The following ABTB3 variants were observed in gnomAD, a reference collection of about 807,000 sequenced individuals.
ABTB3 encodes the protein ankyrin repeat and BTB domain containing 3, also known as ankyrin repeat- and BTB/POZ domain-containing protein 3.
At chr12:107,334,378 C>G in the ABTB3 span, among the ~76,000 whole-genome samples, 1 of 151,998 alleles carries the variant, frequency 6.6e-6, no homozygotes, top group Non-Finnish European at 1.5e-5. Flanking sequence ...TCACCAAGCT[C>G]CTGTTGATAC....
the ABTB3 span, among the ~76,000 whole-genome samples, chr12:107,500,248 C>G: frequency 2.0e-5 from 3 of 152,194 alleles, no homozygotes; most frequent in Non-Finnish European, 4.4e-5. Context: ...GAGGGAAGAG[C>G]CTGCGCCCGC....
chr12:107,405,216 T>G, the ABTB3 span, among the ~76,000 whole-genome samples: 4 of 152,182 alleles, frequency 2.6e-5, no homozygotes, highest in Admixed American at 6.5e-5. Context: ...GTGAAGGCTA[T>G]GTGAATGGCG....
the ABTB3 span, chr12:107,320,164 C>A: frequency 5.2e-6 from 7 of 1,340,634 alleles, no homozygotes; most frequent in Non-Finnish European, 6.8e-6. Context: ...CCGCGTCTTC[C>A]CAGCCACGCG....
the ABTB3 span, among the ~76,000 whole-genome samples, chr12:107,557,508 C>G: frequency 6.6e-6 from 1 of 152,102 alleles, no homozygotes; most frequent in Non-Finnish European, 1.5e-5. Context: ...ATTACTTGAG[C>G]TTTTCATTTT....
the ABTB3 span, among the ~76,000 whole-genome samples, chr12:107,375,555 G>T: frequency 4.0e-4 from 61 of 152,320 alleles, no homozygotes; most frequent in African/African-American, 1.5e-3. Context: ...ACCTCCAGGG[G>T]AGAAGACCGG....
At chr12:107,431,247 A>G in the ABTB3 span, among the ~76,000 whole-genome samples, 1 of 152,230 alleles carries the variant, frequency 6.6e-6, no homozygotes, top group Non-Finnish European at 1.5e-5. Flanking sequence ...CACTAATTCC[A>G]TTCCATGAGC....
chr12:107,520,128 G>A, the ABTB3 span: 2 of 707,234 alleles, frequency 2.8e-6, no homozygotes, highest in East Asian at 1.3e-4. Flanking sequence ...TGCCTTTGTG[G>A]GGAGAACAAA....
chr12:107,405,297 T>C, the ABTB3 span, among the ~76,000 whole-genome samples: 1 of 152,244 alleles, frequency 6.6e-6, no homozygotes, highest in Non-Finnish European at 1.5e-5. Flanking sequence ...GTGCTGTTAA[T>C]GGTTATGTTT....
chr12:107,562,670 G>T, the ABTB3 span, among the ~76,000 whole-genome samples: 4 of 152,224 alleles, frequency 2.6e-5, no homozygotes, highest in Non-Finnish European at 4.4e-5. Context: ...AATTATTTGA[G>T]ATGAGTTGAA....
At chr12:107,596,442 G>A in the ABTB3 span, among the ~76,000 whole-genome samples, 7 of 152,112 alleles carry the variant, frequency 4.6e-5, no homozygotes, top group Non-Finnish European at 8.8e-5. Context: ...GTGAAACCTC[G>A]TTTCTACTAA....
the ABTB3 span, among the ~76,000 whole-genome samples, chr12:107,437,334 GC>G: frequency 6.6e-6 from 1 of 152,004 alleles, no homozygotes; most frequent in Non-Finnish European, 1.5e-5. Flanking sequence ...TCCAGTTTCT[GC>G]CTCCATGGTC....
At chr12:107,640,562 G>C in the ABTB3 span, 1 of 536,158 alleles carries the variant, frequency 1.9e-6, no homozygotes, top group Non-Finnish European at 3.3e-6. Context: ...GAAGCTGCTA[G>C]CATAAACAAC....
At chr12:107,542,035 C>T in the ABTB3 span, among the ~76,000 whole-genome samples, 5 of 152,240 alleles carry the variant, frequency 3.3e-5, no homozygotes, top group East Asian at 1.9e-4. Flanking sequence ...ACTGGCCAGG[C>T]GCGGTGGGTC....
chr12:107,619,226 C>T, the ABTB3 span, among the ~76,000 whole-genome samples: 3 of 152,252 alleles, frequency 2.0e-5, no homozygotes, highest in South Asian at 2.1e-4. Flanking sequence ...TGATGAAGCT[C>T]GAGATTCCGA....
chr12:107,421,613 G>A, the ABTB3 span, among the ~76,000 whole-genome samples: 3 of 152,154 alleles, frequency 2.0e-5, no homozygotes, highest in Admixed American at 6.5e-5. Context: ...TTCGGTAAAC[G>A]ATATAAGCCA....
At chr12:107,475,448 C>G in the ABTB3 span, among the ~76,000 whole-genome samples, 1 of 152,218 alleles carries the variant, frequency 6.6e-6, no homozygotes, top group Non-Finnish European at 1.5e-5. Context: ...TAAACCATTT[C>G]CATCACCCAG....
At chr12:107,384,701 A>G in the ABTB3 span, among the ~76,000 whole-genome samples, 1 of 152,148 alleles carries the variant, frequency 6.6e-6, no homozygotes, top group Non-Finnish European at 1.5e-5. Context: ...GTACCCCCAC[A>G]CCAACTAGTC....
At chr12:107,569,433 A>G in the ABTB3 span, among the ~76,000 whole-genome samples, 29 of 152,296 alleles carry the variant, frequency 1.9e-4, no homozygotes, top group Non-Finnish European at 4.1e-4. Flanking sequence ...TGGTTGATAA[A>G]TTTTCACAAG....
the ABTB3 span, among the ~76,000 whole-genome samples, chr12:107,515,336 A>G: frequency 6.6e-6 from 1 of 152,208 alleles, no homozygotes; most frequent in South Asian, 2.1e-4. Flanking sequence ...CATCTGTACT[A>G]TTAATTAGAC....
Sources: allele counts gnomAD v4.1 joint callset (sites outside exome capture counted in the v4.1 genomes callset), GRCh38; gene constraint gnomAD v4.1.1; transcripts MANE v1.5; gene names NCBI Gene and HGNC (gene_info 2026-07-23, HGNC 2026-07-21).